LAMC3: variants seen among roughly 807,000 people sequenced by gnomAD.
LAMC3 encodes the protein laminin subunit gamma 3, also known as laminin subunit gamma-3.
Under a neutral mutation model 173.8 loss-of-function variants are expected in LAMC3, and 128 were observed. That is an observed-to-expected ratio of 0.74 (90% confidence interval 0.64 to 0.85). The LOEUF is 0.85. LAMC3 is among the 40% of genes least tolerant of loss of function. The pLI, the probability that LAMC3 is intolerant of heterozygous loss-of-function variation, is 0.00. For synonymous variants in LAMC3, 897 were observed against 909.1 expected (o/e 0.99, Z 0.24); for missense variants, 2,022 against 2,156.0 (o/e 0.94, Z 1.23).
At chr9:131,062,405 C>T (rs1174203473) in intron 13 of LAMC3, among the ~76,000 whole-genome samples, 1 of 152,086 alleles carries the variant, frequency 6.6e-6, no homozygotes, top group African/African-American at 2.4e-5. Flanking sequence ...TGACATGTTA[C>T]AATAGTAATT....
At chr9:131,016,957 G>A (rs1043114125) in intron 1 of LAMC3, among the ~76,000 whole-genome samples, 27 of 152,084 alleles carry the variant, frequency 1.8e-4, no homozygotes, top group African/African-American at 4.1e-4. Flanking sequence ...AAAAGCACCC[G>A]CCTTGCTATG....
At chr9:131,078,153 G>A (rs549835997) in intron 22 of LAMC3, among the ~76,000 whole-genome samples, 1 of 152,052 alleles carries the variant, frequency 6.6e-6, no homozygotes, top group Non-Finnish European at 1.5e-5. Flanking sequence ...CCATCGTGTC[G>A]ATTCAGTAAC....
In LAMC3 at chr9:131,036,278, T is replaced by G; in HGVS notation, c.922T>G (p.Phe308Val). 1 of 1,613,292 alleles carries G rather than the reference T, an allele frequency of 6.2e-7. No homozygotes were observed. ...AGACTGTGAGCGCTGCCTGCCCTTCTTCCAGGACCGCCCGTGGGCCCGGGG... is the reference window on the plus strand; with the variant it reads ...AGACTGTGAGCGCTGCCTGCCCTTCGTCCAGGACCGCCCGTGGGCCCGGGG... ...GTDCERCLPF[F>V]QDRPWARGTA... Residue 308 changes from phenylalanine (F) to valine (V), a missense_variant, in exon 4 of 28, where the codon TTC becomes GTC. Transcript: ENST00000361069.
chr9:131,061,246 C>A (rs891735438), intron 13 of LAMC3, 23 bp downstream of exon 13: 2 of 1,586,226 alleles, frequency 1.3e-6, no homozygotes, highest in South Asian at 2.2e-5. Context: ...TGCCCCGGAG[C>A]CCTGCCCCGC....
chr9:131,046,872 G>A (rs1309278135), intron 8 of LAMC3, among the ~76,000 whole-genome samples: 1 of 140,326 alleles, frequency 7.1e-6, no homozygotes, highest in Non-Finnish European at 1.6e-5. Context: ...CCTCAGGGCC[G>A]ACGCTGGGGC....
At chr9:131,068,032 G>A in intron 14 of LAMC3, 46 bp from the exon 15 acceptor site, 1 of 1,600,270 alleles carries the variant, frequency 6.2e-7, no homozygotes, top group Non-Finnish European at 8.5e-7. Context: ...AGTTGGAACA[G>A]ACAATCTGCA....
chr9:131,059,398 A>G (rs1829761692), intron 12 of LAMC3, among the ~76,000 whole-genome samples: 1 of 143,578 alleles, frequency 7.0e-6, no homozygotes, highest in East Asian at 2.3e-4. Context: ...AGGCTGAGGC[A>G]GGTGAATTGT....
At chr9:131,086,888 CG>C (rs1386163783) in intron 25 of LAMC3, among the ~76,000 whole-genome samples, 2 of 135,734 alleles carry the variant, frequency 1.5e-5, no homozygotes, top group African/African-American at 2.9e-5. Context: ...GACTCTGCCT[CG>C]AAAAAAAAAA....
chr9:131,036,086 C>A, intron 3 of LAMC3, 80 bp from the exon 4 acceptor site: 1 of 1,481,688 alleles, frequency 6.7e-7, no homozygotes, highest in Non-Finnish European at 9.4e-7. Flanking sequence ...CACCTGCAAA[C>A]AGGGGCTACC....
rs747808568 is a variant in LAMC3, at chr9:131,073,237, T to C, written c.3418-8T>C. 21 of 1,609,778 alleles carry C rather than the reference T, an allele frequency of 1.3e-5. No homozygotes were observed. Among genetic ancestry groups the C allele is most frequent in the Non-Finnish European group, 1.8e-5 (21 of 1,177,524 alleles). ...ATCAGTTTCCTCCTCTTCCTCTTCT[T>C]TCTACAGGAGATTCCTCAGGAAGGT... On this transcript the variant is annotated splice_polypyrimidine_tract_variant and splice_region_variant and intron_variant, in intron 19 of 27. Coordinates refer to ENST00000361069, the MANE Select transcript of LAMC3 (RefSeq NM_006059.4).
intron 21 of LAMC3, 120 bp downstream of exon 21, chr9:131,076,085 T>C (rs1304426361): frequency 1.9e-6 from 2 of 1,061,652 alleles, no homozygotes; most frequent in Non-Finnish European, 2.7e-6. Flanking sequence ...TCTTTGTCGT[T>C]GGTGTCTTGG....
intron 9 of LAMC3, 44 bp from the exon 10 acceptor site, chr9:131,052,447 C>T (rs1294653760): frequency 1.3e-6 from 2 of 1,501,024 alleles, no homozygotes; most frequent in East Asian, 2.3e-5. Flanking sequence ...TAAAATCAAG[C>T]TAACCATATG....
At chr9:131,081,995 T>G in intron 23 of LAMC3, 64 bp from the exon 24 acceptor site, 2 of 1,283,904 alleles carry the variant, frequency 1.6e-6, no homozygotes, top group Non-Finnish European at 2.2e-6. Context: ...TGGTGCCCAC[T>G]GAGCTGCCCC....
intron 4 of LAMC3, among the ~76,000 whole-genome samples, chr9:131,036,697 C>G (rs1588145039): frequency 6.6e-6 from 1 of 152,328 alleles, no homozygotes; most frequent in African/African-American, 2.4e-5. Flanking sequence ...CCCACCCAGC[C>G]TCTCCCACGG....
intron 24 of LAMC3, among the ~76,000 whole-genome samples, 160 bp downstream of exon 24, chr9:131,082,321 C>T (rs1830256048): frequency 6.6e-6 from 1 of 152,212 alleles, no homozygotes; most frequent in African/African-American, 2.4e-5. Context: ...CAGGATCCTG[C>T]CCCATCTCAT....
At chr9:131,062,732 G>A (rs188010882) in intron 13 of LAMC3, among the ~76,000 whole-genome samples, 324 of 152,002 alleles carry the variant, frequency 2.1e-3, no homozygotes, top group Non-Finnish European at 3.5e-3. Context: ...AGCCAGGAGC[G>A]GTGGCAGGCA....
At chr9:131,075,067 C>T (rs1830100109) in intron 20 of LAMC3, among the ~76,000 whole-genome samples, 1 of 151,798 alleles carries the variant, frequency 6.6e-6, no homozygotes, top group African/African-American at 2.4e-5. Flanking sequence ...AGTTACAGAC[C>T]AGCTTGGGCA....
intron 11 of LAMC3, among the ~76,000 whole-genome samples, chr9:131,055,494 T>G (rs1419920086): frequency 2.7e-5 from 4 of 148,800 alleles, no homozygotes; most frequent in African/African-American, 4.9e-5. Context: ...GCATGATCTC[T>G]GCTCACTGCA....
At chr9:131,087,684 C>T in intron 26 of LAMC3, 34 bp from the exon 27 acceptor site, 1 of 1,613,810 alleles carries the variant, frequency 6.2e-7, no homozygotes, top group Non-Finnish European at 8.5e-7. Context: ...GTGGGGACGC[C>T]ATTCAAGCTG....
Sources: allele counts gnomAD v4.1 joint callset (sites outside exome capture counted in the v4.1 genomes callset), GRCh38; gene constraint gnomAD v4.1.1; transcripts MANE v1.5; gene names NCBI Gene and HGNC (gene_info 2026-07-23, HGNC 2026-07-21).